The following RIN2 variants were observed in gnomAD, a reference collection of about 807,000 sequenced individuals.
RIN2 encodes RAB5 interacting protein 2.
RIN2 carries 36 observed loss-of-function variants against 78.0 expected under a neutral mutation model. The observed-to-expected ratio is 0.46, with a 90% CI of 0.35 to 0.61. The LOEUF is 0.61. Among genes scored for constraint, RIN2 ranks in the 20% least tolerant of loss-of-function variants. The pLI is 0.00. For missense variants in RIN2, 1,087 were observed against 1,159.7 expected (o/e 0.94, Z 0.91); for synonymous variants, 466 against 466.8 (o/e 1.00, Z 0.02).
At chr20:19,861,568 T>A (rs1446586972) in intron 2 of RIN2, among the ~76,000 whole-genome samples, 1 of 149,848 alleles carries the variant, frequency 6.7e-6, no homozygotes, top group Non-Finnish European at 1.5e-5. Flanking sequence ...TCACCCTCCA[T>A]ATCTGATGAT....
intron 2 of RIN2, among the ~76,000 whole-genome samples, chr20:19,826,633 G>T (rs1209398057): frequency 6.6e-6 from 1 of 152,190 alleles, no homozygotes; most frequent in African/African-American, 2.4e-5. Flanking sequence ...TGATTTATAA[G>T]ATTTGTCATT....
chr20:19,845,133 T>C (rs2036740743), intron 2 of RIN2, among the ~76,000 whole-genome samples: 1 of 152,246 alleles, frequency 6.6e-6, no homozygotes. Flanking sequence ...CAGTCTATCA[T>C]TGATGGGCAT....
intron 1 of RIN2, among the ~76,000 whole-genome samples, chr20:19,782,522 C>T (rs932196270): frequency 4.0e-5 from 6 of 149,606 alleles, no homozygotes; most frequent in African/African-American, 1.5e-4. Flanking sequence ...TTGAGATGGA[C>T]TCCAGCCTGG....
At chr20:19,959,612 G>A (rs62200442) in intron 5 of RIN2, among the ~76,000 whole-genome samples, 1 of 152,204 alleles carries the variant, frequency 6.6e-6, no homozygotes. Context: ...ATCAACTGGA[G>A]ATAAAGAGAG....
intron 3 of RIN2, among the ~76,000 whole-genome samples, chr20:19,904,912 G>C (rs571782509): frequency 1.3e-5 from 2 of 152,342 alleles, no homozygotes; most frequent in African/African-American, 4.8e-5. Flanking sequence ...TTGACATTGA[G>C]TTGCTGTTCT....
At position 19,974,996 on chromosome 20, in the gene RIN2, G is replaced by T. The variant is rs747985689; in HGVS notation, c.971G>T (p.Arg324Leu). 1.3e-6 allele frequency: 2 copies of T among 1,484,424 alleles called. No homozygotes were observed. The highest frequency in any genetic ancestry group is 1.9e-4 in the Middle Eastern group (1 of 5,382). The allele number at this position is 1,484,424 out of a possible 1,614,324, so 92.0% of individuals were successfully genotyped here. ...ATTAATAGTCTCCACACAAGCCCTCGGCTGGCCAGGACTGAAACCCAGACG... is the reference window on the plus strand; with the variant it reads ...ATTAATAGTCTCCACACAAGCCCTCTGCTGGCCAGGACTGAAACCCAGACG... ...PAINSLHTSP[R>L]LARTETQTSM... Residue 324 changes from arginine to leucine, a missense_variant, in exon 9 of 13, where the codon CGG (arginine) becomes CTG (leucine). Transcript: ENST00000255006.
intron 1 of RIN2, among the ~76,000 whole-genome samples, chr20:19,765,721 CTCTTG>C (rs1317295418): frequency 1.3e-5 from 2 of 148,184 alleles, no homozygotes; most frequent in African/African-American, 5.0e-5. Flanking sequence ...AAGTCAGAGG[CTCTTG>C]TCTTTTTAGA....
At chr20:19,779,309 T>A (rs1270570984) in intron 1 of RIN2, among the ~76,000 whole-genome samples, 2 of 151,944 alleles carry the variant, frequency 1.3e-5, no homozygotes, top group African/African-American at 4.8e-5. Flanking sequence ...AAAAAAAAAA[T>A]CCTCCTAATT....
At chr20:19,918,740 T>C (rs1246483868) in intron 3 of RIN2, among the ~76,000 whole-genome samples, 2 of 151,358 alleles carry the variant, frequency 1.3e-5, no homozygotes, top group Non-Finnish European at 2.9e-5. Flanking sequence ...AGTTAGCATC[T>C]GACTTTACGG....
At chr20:19,901,966 A>G (rs772198290) in intron 3 of RIN2, among the ~76,000 whole-genome samples, 6 of 150,292 alleles carry the variant, frequency 4.0e-5, no homozygotes, top group Admixed American at 1.3e-4. Context: ...TGATGAGCCA[A>G]GATGGCACCA....
chr20:19,799,281 G>A (rs760042612), intron 1 of RIN2, among the ~76,000 whole-genome samples: 8 of 152,170 alleles, frequency 5.3e-5, no homozygotes, highest in Non-Finnish European at 1.0e-4. Flanking sequence ...TGTAGGAAGC[G>A]ATGTGATGCA....
rs556382084 is a variant in RIN2, at chr20:19,988,125, G to T, written c.1763-1881G>T. On this transcript the variant is annotated intron_variant, in intron 9 of 12. Transcript: ENST00000255006. ...GAGAGACAACTCAACTATTTCTTTT[G>T]CTTTTTCTTTTGAGACAGAGTCTCA... 1.1e-4 allele frequency among the ~76,000 whole-genome samples: 16 copies of T among 152,224 alleles called. No homozygotes were observed. In the East Asian group the frequency reaches 2.9e-3, roughly 28 times the overall value.
chr20:20,001,351 C>G lies in RIN2; in HGVS notation c.*415C>G, dbSNP rs2043136158. ...GATGGCTTCATCCCTGCCTTCCTTC[C>G]TTTCTTTTTCCTTTTTTTTTTTTTT... On this transcript the variant is annotated 3_prime_UTR_variant, in exon 13 of 13. Coordinates refer to ENST00000255006, the MANE Select transcript of RIN2 (RefSeq NM_018993.4). The G allele has an allele frequency of 7.8e-6, 1 of 127,566 alleles. No homozygotes were observed. Among genetic ancestry groups the G allele is most frequent in the African/African-American group, 2.8e-5 (1 of 35,478 alleles). The allele number at this position is 127,566 out of a possible 1,614,324, so 7.9% of individuals were successfully genotyped here.
rs140679811 is a variant in RIN2 at position 19,889,676 on chromosome 20, T to C, written c.57+18T>C. On this transcript the variant is annotated intron_variant, in intron 3 of 12. Coordinates refer to ENST00000255006, the MANE Select transcript of RIN2 (RefSeq NM_018993.4). ...TCTTTAAGGTAAAAGGAAGCCTTGA[T>C]TGGGATCTCAACTCGTCGGCTTGCT... 564 of 1,477,598 alleles carry C rather than the reference T, an allele frequency of 3.8e-4. 3 individuals are homozygous for C. In the African/African-American group the frequency reaches 7.3e-3, roughly 19 times the overall value. The allele number at this position is 1,477,598 out of a possible 1,614,324, so 91.5% of individuals were successfully genotyped here. A position where few individuals can be genotyped will look rare whatever the true frequency, so the allele number is the denominator to read the frequency against.
At chr20:19,908,490 CAAAA>C (rs11482794) in intron 3 of RIN2, among the ~76,000 whole-genome samples, 3 of 110,780 alleles carry the variant, frequency 2.7e-5, no homozygotes, top group Admixed American at 1.9e-4. Context: ...GACTCCGTCT[CAAAA>C]AAAAAAAAAA....
chr20:19,769,540 G>A (rs1301073643), intron 1 of RIN2, among the ~76,000 whole-genome samples: 1 of 152,228 alleles, frequency 6.6e-6, no homozygotes, highest in East Asian at 1.9e-4. Context: ...AGCCCTGCCA[G>A]TGAAGTGTAA....
Position 19,788,601 on chromosome 20 carries a change from C to T in RIN2, c.-162-11021C>T, listed in dbSNP as rs554224797. 7.3e-5 allele frequency among the ~76,000 whole-genome samples: 8 copies of T among 109,104 alleles called. No individual in the cohort carries two copies. The South Asian group carries it at 1.8e-3, about 25-fold the overall frequency. 71.6% of individuals were successfully genotyped at this position (109,104 alleles called of 152,430 possible). On this transcript the variant is annotated intron_variant, in intron 1 of 12. Transcript: ENST00000255006. ...TGGGCAACAAAGCAAGACTTTGTCT[C>T]GAAAAAAAAAAAAAAAATTAAAATT...
At chr20:19,871,135 C>T (rs984208257) in intron 2 of RIN2, among the ~76,000 whole-genome samples, 4 of 152,128 alleles carry the variant, frequency 2.6e-5, no homozygotes, top group Non-Finnish European at 4.4e-5. Flanking sequence ...AAGAGAAAGA[C>T]AGGAGGGATA....
At chr20:19,955,183 T>C (rs2041484738) in intron 4 of RIN2, among the ~76,000 whole-genome samples, 1 of 152,208 alleles carries the variant, frequency 6.6e-6, no homozygotes, top group African/African-American at 2.4e-5. Context: ...GTTCTGGATA[T>C]TTCATGTAAA....
Sources: gnomAD v4.1 joint callset for allele counts (sites outside exome capture counted in the v4.1 genomes callset) on GRCh38, gnomAD v4.1.1 for gene constraint, MANE v1.5 for transcripts, NCBI Gene and HGNC (gene_info 2026-07-23, HGNC 2026-07-21) for gene names.